Variants in PPFIBP1 observed in about 807,000 individuals in gnomAD.
PPFIBP1 encodes the protein PPFIB scaffold protein 1, also known as liprin-beta-1.
PPFIBP1 carries 112 observed loss-of-function variants against 137.8 expected under a neutral mutation model. The observed-to-expected ratio is 0.81, with a 90% CI of 0.70 to 0.95. The LOEUF is 0.95. Among genes scored for constraint, PPFIBP1 ranks in the 40% least tolerant of loss-of-function variants. PPFIBP1 has a pLI of 0.00. For missense variants in PPFIBP1, 1,083 were observed against 1,196.6 expected, an observed-to-expected ratio of 0.91 and a Z score of 1.40; for synonymous variants, 378 against 417.3, an observed-to-expected ratio of 0.91 and a Z score of 1.15.
In PPFIBP1 at chr12:27,692,918, C is replaced by CT; in HGVS notation, c.*42dup. ...TGGATGAACATTAGGAGTGCTTAGT[C>CT]TTTTTTCTACTTGCTTTTCCAAACA... On this transcript the variant is annotated 3_prime_UTR_variant, in exon 30 of 30. Coordinates refer to ENST00000228425, the MANE Select transcript of PPFIBP1 (RefSeq NM_003622.4). 3 of 1,611,154 alleles carry CT rather than the reference C, an allele frequency of 1.9e-6. No individual in the cohort carries two copies. The highest frequency in any genetic ancestry group is 2.5e-6 in the Non-Finnish European group (3 of 1,178,806).
intron 2 of PPFIBP1, among the ~76,000 whole-genome samples, chr12:27,580,773 C>T (rs1039189622): frequency 4.6e-5 from 7 of 152,156 alleles, no homozygotes; most frequent in Non-Finnish European, 1.0e-4. Context: ...TGTCCCTCCC[C>T]AGGGTGAGTC....
chr12:27,682,941 A>T (rs2060966184), intron 24 of PPFIBP1, among the ~76,000 whole-genome samples: 1 of 152,238 alleles, frequency 6.6e-6, no homozygotes, highest in South Asian at 2.1e-4. Flanking sequence ...GTGAAGCCTA[A>T]TTTAAACTAA....
chr12:27,665,330 T>C (rs2140047823), intron 12 of PPFIBP1, among the ~76,000 whole-genome samples: 1 of 152,212 alleles, frequency 6.6e-6, no homozygotes, highest in East Asian at 1.9e-4. Flanking sequence ...GAATATGTTA[T>C]GGTTGGATTG....
intron 1 of PPFIBP1, among the ~76,000 whole-genome samples, chr12:27,535,539 A>C (rs1400653742): frequency 6.6e-6 from 1 of 151,850 alleles, no homozygotes; most frequent in Non-Finnish European, 1.5e-5. Flanking sequence ...CAGCTTCCCA[A>C]GTAGCTGGAA....
chr12:27,677,078 GC>G lies in PPFIBP1; in HGVS notation c.1599del (p.Ser534ValfsTer5), dbSNP rs1279103658. ...SAPNLDRKRS[A>X]SAPTLAETEK... ...GATATCTGAAGATCGTAAACGAAGT[GC>G]CAGTGCACCCACCCTAGGTATTGTA... On this transcript the variant is annotated frameshift_variant, in exon 19 of 30. Coordinates refer to ENST00000228425, the MANE Select transcript of PPFIBP1 (RefSeq NM_003622.4). LOFTEE classifies it high-confidence loss of function. 6.2e-7 allele frequency: 1 copy of G among 1,614,164 alleles called. No homozygotes were observed. Among genetic ancestry groups the G allele is most frequent in the Admixed American group, 1.7e-5 (1 of 60,024 alleles).
intron 1 of PPFIBP1, among the ~76,000 whole-genome samples, chr12:27,542,324 T>G (rs945487770): frequency 6.6e-6 from 1 of 152,226 alleles, no homozygotes; most frequent in African/African-American, 2.4e-5. Context: ...TAAGGAACTT[T>G]AGCATCTGCG....
chr12:27,582,768 G>A (rs1465187927), intron 2 of PPFIBP1, among the ~76,000 whole-genome samples: 1 of 152,176 alleles, frequency 6.6e-6, no homozygotes, highest in Non-Finnish European at 1.5e-5. Context: ...GATCACTGTA[G>A]AAATTATAGC....
At chr12:27,554,785 C>T (rs1947111268) in intron 1 of PPFIBP1, among the ~76,000 whole-genome samples, 1 of 151,956 alleles carries the variant, frequency 6.6e-6, no homozygotes, top group Admixed American at 6.6e-5. Flanking sequence ...GTGCTTGACT[C>T]CATACACTTT....
chr12:27,552,482 T>C (rs970148230), intron 1 of PPFIBP1: 1 of 152,240 alleles, frequency 6.6e-6, no homozygotes, highest in Non-Finnish European at 1.5e-5. Context: ...TCTGCTGCAA[T>C]GGAACTTTGA....
intron 20 of PPFIBP1, 35 bp from the exon 21 acceptor site, chr12:27,679,898 G>A (rs765834107): frequency 1.9e-6 from 3 of 1,613,158 alleles, no homozygotes; most frequent in Admixed American, 1.7e-5. Context: ...GGCCTCCTCA[G>A]GTCTAATACT....
At chr12:27,622,767 ATG>A (rs1402816309) in intron 2 of PPFIBP1, among the ~76,000 whole-genome samples, 1 of 152,152 alleles carries the variant, frequency 6.6e-6, no homozygotes, top group South Asian at 2.1e-4. Context: ...TGTTGCAGGT[ATG>A]TGTGTGTGTA....
chr12:27,571,731 A>G (rs1409613517), intron 1 of PPFIBP1, among the ~76,000 whole-genome samples: 2 of 152,110 alleles, frequency 1.3e-5, no homozygotes, highest in Non-Finnish European at 2.9e-5. Context: ...TTTTTATTCA[A>G]TCACTATACA....
chr12:27,635,434 G>A (rs2057586956), intron 4 of PPFIBP1: 1 of 492,016 alleles, frequency 2.0e-6, no homozygotes, highest in Non-Finnish European at 3.6e-6. Flanking sequence ...GCACATGATA[G>A]ATGATTTCTC....
intron 2 of PPFIBP1, among the ~76,000 whole-genome samples, chr12:27,591,511 C>T (rs11049059): frequency 0.29 from 43,919 of 152,008 alleles, 7,340 homozygotes; most frequent in Middle Eastern, 0.38. Flanking sequence ...TTGGTAAATA[C>T]TGCTCTGTGT....
intron 2 of PPFIBP1, among the ~76,000 whole-genome samples, chr12:27,616,628 A>G (rs2055789205): frequency 6.6e-6 from 1 of 152,224 alleles, no homozygotes; most frequent in Admixed American, 6.5e-5. Context: ...GAGGAATGGA[A>G]GAGATTGAAG....
At chr12:27,615,274 C>T (rs989135376) in intron 2 of PPFIBP1, among the ~76,000 whole-genome samples, 9 of 152,080 alleles carry the variant, frequency 5.9e-5, no homozygotes, top group African/African-American at 1.4e-4. Context: ...GATGTTAAGA[C>T]GTTAAAAAAT....
chr12:27,632,857 G>A (rs997743559), intron 2 of PPFIBP1, among the ~76,000 whole-genome samples: 1 of 152,206 alleles, frequency 6.6e-6, no homozygotes. Flanking sequence ...AGGGGTGTAT[G>A]TGTGTGTTTG....
chr12:27,623,091 C>T (rs1266116384), intron 2 of PPFIBP1, among the ~76,000 whole-genome samples: 2 of 151,974 alleles, frequency 1.3e-5, no homozygotes, highest in Non-Finnish European at 2.9e-5. Context: ...GTCCATGTAG[C>T]CTGCATACAT....
At chr12:27,567,546 A>G (rs1349997120) in intron 1 of PPFIBP1, among the ~76,000 whole-genome samples, 5 of 152,168 alleles carry the variant, frequency 3.3e-5, no homozygotes. Context: ...GCTGCAAGAT[A>G]ATATGGGAGT....
Sources: allele counts gnomAD v4.1 joint callset (sites outside exome capture counted in the v4.1 genomes callset), GRCh38; gene constraint gnomAD v4.1.1; transcripts MANE v1.5; gene names NCBI Gene and HGNC (gene_info 2026-07-23, HGNC 2026-07-21).